The following TRAM2 variants were observed in gnomAD, a reference collection of about 807,000 sequenced individuals.
TRAM2 encodes translocation associated membrane protein 2.
A neutral mutation model predicts 51.0 loss-of-function variants in TRAM2; 12 were observed. The ratio of observed to expected loss-of-function variants is 0.24; its 90% CI spans 0.15 to 0.38. The LOEUF (loss-of-function observed/expected upper bound fraction) is 0.38. TRAM2 is among the 10% of genes least tolerant of loss of function. TRAM2 has a pLI of 1.00. For synonymous variants in TRAM2, 175 were observed against 179.4 expected (o/e 0.98, Z 0.20); for missense variants, 361 against 462.0 (o/e 0.78, Z 2.00).
chr6:52,511,669 C>A (rs1221461598), intron 4 of TRAM2, among the ~76,000 whole-genome samples: 1 of 152,194 alleles, frequency 6.6e-6, no homozygotes, highest in African/African-American at 2.4e-5. Context: ...GATCCACCCA[C>A]CTTTGAGTCA....
intron 2 of TRAM2, among the ~76,000 whole-genome samples, chr6:52,520,699 C>T (rs1766656500): frequency 6.6e-6 from 1 of 152,088 alleles, no homozygotes; most frequent in Non-Finnish European, 1.5e-5. Context: ...TCTTGGGTTT[C>T]CTCACTCCTA....
At chr6:52,557,200 A>AAAAAAAAAAAAG (rs1767426204) in intron 1 of TRAM2, among the ~76,000 whole-genome samples, 1 of 152,098 alleles carries the variant, frequency 6.6e-6, no homozygotes, top group Admixed American at 6.5e-5. Context: ...CTCAAAAAAA[A>AAAAAAAAAAAAG]AAGATATGTC....
chr6:52,501,744 A>G lies in TRAM2; in HGVS notation c.*1453T>C, dbSNP rs1284145297. On this transcript the variant is annotated 3_prime_UTR_variant, in exon 11 of 11. Transcript: ENST00000182527. ...TTTTTAGTAGAGATGGGGTTTCACC[A>G]TGTTGGCCAGGCTGGTCTTGAACTC... The G allele has an allele frequency of 6.6e-6, 1 of 152,184 alleles. No homozygotes were observed. Among genetic ancestry groups the G allele is most frequent in the Non-Finnish European group, 1.5e-5 (1 of 68,076 alleles). 9.4% of individuals were successfully genotyped at this position (152,184 alleles called of 1,614,324 possible).
rs140686363 is a variant in TRAM2 at position 52,537,759 on chromosome 6, C to T, written c.121-1913G>A. On this transcript the variant is annotated intron_variant, in intron 1 of 10. Transcript: ENST00000182527. ...CCATTTATCCTCGCAGCCCCTCTTA[C>T]GTAAGGAGCCCAGATGCACACAGTA... Among the ~76,000 whole-genome samples the T allele has an allele frequency of 2.2e-4, 33 of 152,232 alleles. No homozygotes were observed. In the East Asian group the frequency reaches 4.4e-3, roughly 20 times the overall value.
chr6:52,561,908 A>G (rs960816944), intron 1 of TRAM2, among the ~76,000 whole-genome samples: 2 of 152,224 alleles, frequency 1.3e-5, no homozygotes, highest in Non-Finnish European at 2.9e-5. Flanking sequence ...AGGCCAGCCA[A>G]ACAGGTTTCT....
intron 2 of TRAM2, among the ~76,000 whole-genome samples, chr6:52,530,711 C>T (rs900862433): frequency 1.3e-5 from 2 of 152,096 alleles, no homozygotes; most frequent in Non-Finnish European, 2.9e-5. Context: ...CAGAGCCTTC[C>T]AAGGAGCGCG....
intron 2 of TRAM2, among the ~76,000 whole-genome samples, chr6:52,517,644 G>A (rs773066911): frequency 6.6e-5 from 10 of 152,392 alleles, no homozygotes; most frequent in Non-Finnish European, 1.3e-4. Context: ...CCTGGTGGCC[G>A]TGTGCCTGGG....
intron 1 of TRAM2, among the ~76,000 whole-genome samples, chr6:52,545,616 T>G (rs1429086788): frequency 1.1e-5 from 1 of 91,434 alleles, no homozygotes; most frequent in South Asian, 3.8e-4. Context: ...CACCCCCACC[T>G]ATTGCACACA....
In TRAM2 at chr6:52,553,135, C is replaced by T. The variant is rs572485939; in HGVS notation, c.121-17289G>A. On this transcript the variant is annotated intron_variant, in intron 1 of 10. Transcript: ENST00000182527. ...ACAGCCCCTCCATTGCCTTCTGCTG[C>T]TTAAAGGATAATGTCTAACTCTTTA... 4.5e-4 allele frequency among the ~76,000 whole-genome samples: 68 copies of T among 152,280 alleles called. 1 individual carries two copies. The South Asian group carries it at 0.013, about 29-fold the overall frequency.
chr6:52,554,312 G>T (rs1767362846), intron 1 of TRAM2, among the ~76,000 whole-genome samples: 1 of 152,042 alleles, frequency 6.6e-6, no homozygotes, highest in African/African-American at 2.4e-5. Flanking sequence ...ATCACCTGAG[G>T]TCAGGAGTTC....
At chr6:52,535,925 T>G (rs1188821504) in intron 1 of TRAM2, 79 bp from the exon 2 acceptor site, 13 of 1,211,594 alleles carry the variant, frequency 1.1e-5, no homozygotes, top group Non-Finnish European at 1.6e-5. Flanking sequence ...TAACCGCCCC[T>G]TTTACATCTT....
intron 1 of TRAM2, among the ~76,000 whole-genome samples, chr6:52,571,944 GTAGT>G (rs1767687744): frequency 6.6e-6 from 1 of 152,200 alleles, no homozygotes; most frequent in East Asian, 1.9e-4. Context: ...CCTTCACTGG[GTAGT>G]TAGGGTTAAA....
intron 4 of TRAM2, among the ~76,000 whole-genome samples, chr6:52,515,504 C>T (rs889537364): frequency 2.6e-5 from 4 of 152,166 alleles, no homozygotes; most frequent in Admixed American, 1.3e-4. Context: ...TTATAGAAGG[C>T]CAAGGTAGTA....
At chr6:52,563,768 G>T (rs1243398692) in intron 1 of TRAM2, among the ~76,000 whole-genome samples, 1 of 150,244 alleles carries the variant, frequency 6.7e-6, no homozygotes, top group Non-Finnish European at 1.5e-5. Flanking sequence ...GGGAGGGACA[G>T]TTCTCAATGA....
intron 1 of TRAM2, among the ~76,000 whole-genome samples, chr6:52,559,344 C>T (rs1767459033): frequency 6.6e-6 from 1 of 152,178 alleles, no homozygotes; most frequent in African/African-American, 2.4e-5. Context: ...GGGCGAGTGA[C>T]TTGAATTATC....
chr6:52,515,656 T>G (rs1766534075), intron 4 of TRAM2, among the ~76,000 whole-genome samples: 1 of 152,196 alleles, frequency 6.6e-6, no homozygotes, highest in Non-Finnish European at 1.5e-5. Flanking sequence ...AGAATGAACA[T>G]CAAATGTATC....
chr6:52,571,437 G>A (rs531821769), intron 1 of TRAM2, among the ~76,000 whole-genome samples: 8 of 152,296 alleles, frequency 5.3e-5, no homozygotes, highest in East Asian at 1.9e-4. Flanking sequence ...TGACCGGTCC[G>A]GACAGCGCCC....
rs1766338579 is a variant in TRAM2 at position 52,505,867 on chromosome 6, G to T, written c.732-125C>A. 25 of 1,424,270 alleles carry T rather than the reference G, an allele frequency of 1.8e-5. No individual in the cohort carries two copies. The South Asian group carries it at 2.1e-4, about 12-fold the overall frequency. 88.2% of individuals were successfully genotyped at this position (1,424,270 alleles called of 1,614,324 possible). A position where few individuals can be genotyped will look rare whatever the true frequency, so the allele number is the denominator to read the frequency against. The stretch of plus-strand genomic sequence containing the variant: ...GGGTGGCTGGGGAAAGTGCTTGAGG[G>T]ACGAGATATCTAAAATCAGATGTTC... On this transcript the variant is annotated intron_variant, in intron 8 of 10. Coordinates refer to ENST00000182527, the MANE Select transcript of TRAM2 (RefSeq NM_012288.4).
At chr6:52,576,048 T>A (rs1767758348) in intron 1 of TRAM2, among the ~76,000 whole-genome samples, 2 of 152,148 alleles carry the variant, frequency 1.3e-5, no homozygotes, top group Non-Finnish European at 1.5e-5. Flanking sequence ...CCCCCACTCC[T>A]ACACTATAAG....
Sources: gnomAD v4.1 joint callset for allele counts (sites outside exome capture counted in the v4.1 genomes callset) on GRCh38, gnomAD v4.1.1 for gene constraint, MANE v1.5 for transcripts, NCBI Gene and HGNC (gene_info 2026-07-23, HGNC 2026-07-21) for gene names.